The following VGLL4 variants were observed in gnomAD, a reference collection of about 807,000 sequenced individuals.
VGLL4 encodes the protein transcription cofactor vestigial-like protein 4.
A neutral mutation model predicts 21.0 loss-of-function variants in VGLL4; 7 were observed. The observed-to-expected ratio is 0.33, with a 90% confidence interval of 0.19 to 0.63. The LOEUF is 0.63. Among genes scored for constraint, VGLL4 ranks in the 20% least tolerant of loss-of-function variants. VGLL4 has a pLI of 0.78. For synonymous variants in VGLL4, 222 were observed against 173.2 expected (o/e 1.28, Z -2.21); for missense variants, 394 against 425.7 (o/e 0.93, Z 0.66).
chr3:11,619,311 G>A (rs555337449), intron 1 of VGLL4, among the ~76,000 whole-genome samples: 3 of 152,112 alleles, frequency 2.0e-5, no homozygotes, highest in African/African-American at 7.2e-5. Context: ...GAAACATAAC[G>A]ACAAACATGC....
At chr3:11,576,781 T>C (rs541444591) in intron 2 of VGLL4, among the ~76,000 whole-genome samples, 2 of 152,236 alleles carry the variant, frequency 1.3e-5, no homozygotes, top group South Asian at 4.1e-4. Flanking sequence ...GCTGGAAAAG[T>C]GGAGGGCAGG....
chr3:11,594,507 CTA>C (rs1164604769), intron 2 of VGLL4, among the ~76,000 whole-genome samples: 1 of 152,196 alleles, frequency 6.6e-6, no homozygotes, highest in African/African-American at 2.4e-5. Flanking sequence ...ACATCCCACT[CTA>C]AGTCTACACA....
At chr3:11,716,496 A>C (rs980089909) in intron 1 of VGLL4, among the ~76,000 whole-genome samples, 1 of 152,122 alleles carries the variant, frequency 6.6e-6, no homozygotes, top group African/African-American at 2.4e-5. Flanking sequence ...ATGTCGAAGA[A>C]AGTGTCAGAG....
At chr3:11,702,757 C>A (rs61083204) in intron 2 of VGLL4, 2,264 of 209,960 alleles carry the variant, frequency 0.011, 32 homozygotes, top group African/African-American at 0.036. Flanking sequence ...AAAAAAAAAA[C>A]AAACCAGTAT....
intron 1 of VGLL4, among the ~76,000 whole-genome samples, chr3:11,631,338 G>C (rs900352747): frequency 1.3e-5 from 2 of 152,120 alleles, no homozygotes; most frequent in African/African-American, 4.8e-5. Flanking sequence ...CCAAAGTTTA[G>C]ACAGCCCAAG....
At chr3:11,633,942 A>G (rs1575476982) in intron 1 of VGLL4, among the ~76,000 whole-genome samples, 1 of 152,192 alleles carries the variant, frequency 6.6e-6, no homozygotes, top group Non-Finnish European at 1.5e-5. Flanking sequence ...GATTAGAGGC[A>G]GGGAGCAGTT....
intron 2 of VGLL4, among the ~76,000 whole-genome samples, chr3:11,599,249 C>CTGTA (rs2074722430): frequency 6.6e-6 from 1 of 152,048 alleles, no homozygotes; most frequent in Non-Finnish European, 1.5e-5. Context: ...CCTCCTTACA[C>CTGTA]TGTACACTTA....
At chr3:11,567,854 G>C (rs1174264622) in intron 2 of VGLL4, among the ~76,000 whole-genome samples, 1 of 151,950 alleles carries the variant, frequency 6.6e-6, no homozygotes, top group Non-Finnish European at 1.5e-5. Flanking sequence ...TTAACAACAT[G>C]AGTGAATGGC....
At chr3:11,583,412 A>G (rs530469218) in intron 2 of VGLL4, among the ~76,000 whole-genome samples, 2 of 152,340 alleles carry the variant, frequency 1.3e-5, no homozygotes, top group African/African-American at 4.8e-5. Context: ...AACAGTGTCC[A>G]TAACATTCCA....
At chr3:11,668,046 G>T (rs1411421608) in intron 2 of VGLL4, among the ~76,000 whole-genome samples, 1 of 151,078 alleles carries the variant, frequency 6.6e-6, no homozygotes, top group Non-Finnish European at 1.5e-5. Context: ...GTAGAGACCG[G>T]GTTTCACCAT....
At chr3:11,666,332 C>T (rs2076126981) in intron 2 of VGLL4, among the ~76,000 whole-genome samples, 1 of 151,894 alleles carries the variant, frequency 6.6e-6, no homozygotes, top group South Asian at 2.1e-4. Flanking sequence ...GCCAGCGTGA[C>T]TTACAGGTCA....
At chr3:11,621,115 GGAAT>G (rs1356941041) in intron 1 of VGLL4, among the ~76,000 whole-genome samples, 1 of 152,188 alleles carries the variant, frequency 6.6e-6, no homozygotes, top group African/African-American at 2.4e-5. Flanking sequence ...TGCAAAGAAT[GGAAT>G]GAATGGAGCA....
chr3:11,589,283 G>A lies in VGLL4; in HGVS notation c.272+12550C>T, dbSNP rs184023142. On this transcript the variant is annotated intron_variant, in intron 2 of 4. Coordinates refer to ENST00000430365, the MANE Select transcript of VGLL4 (RefSeq NM_001128219.3). ...TCTCTCTAGAAATAGCTATGGAGGC[G>A]GGGAGAGGTAGGGATGGAAGATAAG... Among the ~76,000 whole-genome samples, 672 of 152,222 alleles carry A rather than the reference G, an allele frequency of 4.4e-3. 4 individuals carry two copies. The highest frequency in any genetic ancestry group is 0.014 in the African/African-American group (600 of 41,518).
intron 2 of VGLL4, among the ~76,000 whole-genome samples, chr3:11,575,064 C>A (rs1018952334): frequency 6.6e-6 from 1 of 152,146 alleles, no homozygotes; most frequent in Non-Finnish European, 1.5e-5. Flanking sequence ...CTCGTGCCAA[C>A]CCCCCATTCC....
chr3:11,572,272 TA>T (rs1324974641), intron 2 of VGLL4, among the ~76,000 whole-genome samples: 3 of 152,296 alleles, frequency 2.0e-5, no homozygotes, highest in Middle Eastern at 6.8e-3. Flanking sequence ...TACAAATAAG[TA>T]AACTGAGCTT....
At chr3:11,709,282 A>G (rs561867450) in intron 1 of VGLL4, among the ~76,000 whole-genome samples, 1 of 150,860 alleles carries the variant, frequency 6.6e-6, no homozygotes, top group African/African-American at 2.4e-5. Flanking sequence ...CTAAAAATAT[A>G]AGAAATTAGC....
rs1021706193 is a variant in VGLL4 at position 11,565,956 on chromosome 3, C to A, written c.273-937G>T. The stretch of plus-strand genomic sequence containing the variant: ...ACCATATTATCCGCTGACAGAGTAA[C>A]CTTTTTCCGTAACTCATGAGCTGGT... On this transcript the variant is annotated intron_variant, in intron 2 of 4. Transcript: ENST00000430365. This position sits in a 1 kb window ranked among gnomAD's most constrained non-coding sequence, Gnocchi z 4.1. Among the ~76,000 whole-genome samples the A allele has an allele frequency of 1.3e-5, 2 of 152,150 alleles. No homozygotes were observed. The highest frequency in any genetic ancestry group is 2.9e-5 in the Non-Finnish European group (2 of 68,030).
upstream of VGLL4, among the ~76,000 whole-genome samples, chr3:11,647,694 G>A (rs963675414): frequency 6.6e-6 from 1 of 152,086 alleles, no homozygotes; most frequent in Non-Finnish European, 1.5e-5. Context: ...TTCTTTCCTA[G>A]CCTAGATCTT....
chr3:11,712,269 A>G (rs2076857200), intron 1 of VGLL4, among the ~76,000 whole-genome samples: 1 of 152,172 alleles, frequency 6.6e-6, no homozygotes, highest in Non-Finnish European at 1.5e-5. Flanking sequence ...ACTTAATTGT[A>G]TGGGCCAGTC....
Sources: gnomAD v4.1 joint callset for allele counts (sites outside exome capture counted in the v4.1 genomes callset) on GRCh38, gnomAD v4.1.1 for gene constraint, Gnocchi (gnomAD v3.1) non-coding constraint, MANE v1.5 for transcripts, NCBI Gene and HGNC (gene_info 2026-07-23, HGNC 2026-07-21) for gene names.